Variants in LRRC4C observed in about 807,000 individuals in gnomAD.
LRRC4C encodes leucine-rich repeat-containing protein 4C.
Under a neutral mutation model 33.6 loss-of-function variants are expected in LRRC4C, and 5 were observed. The observed-to-expected ratio is 0.15, with a 90% confidence interval of 0.08 to 0.31. The LOEUF is 0.31. LRRC4C is among the 10% of genes least tolerant of loss of function. The pLI, the probability that LRRC4C is intolerant of heterozygous loss-of-function variation, is 1.00. For missense variants in LRRC4C, 560 were observed against 796.7 expected, an observed-to-expected ratio of 0.70 and a Z score of 3.58; for synonymous variants, 329 against 302.0, an observed-to-expected ratio of 1.09 and a Z score of -0.93.
chr11:40,650,298 G>T (rs1407917462), intron 2 of LRRC4C, among the ~76,000 whole-genome samples: 1 of 152,030 alleles, frequency 6.6e-6, no homozygotes, highest in Non-Finnish European at 1.5e-5. Flanking sequence ...TAAAAAACAG[G>T]AAAATTTCCA....
At chr11:40,390,221 A>G (rs530230545) in intron 3 of LRRC4C, among the ~76,000 whole-genome samples, 1 of 152,204 alleles carries the variant, frequency 6.6e-6, no homozygotes, top group African/African-American at 2.4e-5. Flanking sequence ...TAATTTAGAC[A>G]TCACACTTCT....
intron 3 of LRRC4C, among the ~76,000 whole-genome samples, chr11:40,529,908 A>G (rs61291725): frequency 0.087 from 13,292 of 152,070 alleles, 1,632 homozygotes; most frequent in African/African-American, 0.28. Context: ...AACACAGCAC[A>G]TGTAAACCTA....
chr11:40,174,800 T>C (rs1484767251), intron 5 of LRRC4C, among the ~76,000 whole-genome samples: 1 of 152,218 alleles, frequency 6.6e-6, no homozygotes, highest in Non-Finnish European at 1.5e-5. Flanking sequence ...ATTTTCCTAC[T>C]AATTATTTCA....
intron 3 of LRRC4C, among the ~76,000 whole-genome samples, chr11:40,489,284 T>G (rs915888534): frequency 1.3e-5 from 2 of 152,080 alleles, no homozygotes; most frequent in African/African-American, 4.8e-5. Context: ...TTTATGTAAG[T>G]CACTCTCTGC....
intron 6 of LRRC4C, among the ~76,000 whole-genome samples, chr11:40,130,355 T>A (rs1009116449): frequency 6.6e-6 from 1 of 151,820 alleles, no homozygotes; most frequent in African/African-American, 2.4e-5. Flanking sequence ...TTTCTTCCTG[T>A]TTTTTTTCTT....
At chr11:41,363,391 T>C (rs902704305) in intron 1 of LRRC4C, among the ~76,000 whole-genome samples, 6 of 152,212 alleles carry the variant, frequency 3.9e-5, no homozygotes, top group Admixed American at 2.0e-4. Context: ...CACTGTAAGA[T>C]GTCTTAAAGG....
chr11:41,034,691 T>A (rs1356088651), intron 1 of LRRC4C, among the ~76,000 whole-genome samples: 2 of 146,396 alleles, frequency 1.4e-5, no homozygotes, highest in African/African-American at 5.0e-5. Context: ...ATCAATGGAT[T>A]GTTTGGTCTC....
At chr11:40,777,090 T>C (rs1054395611) in intron 2 of LRRC4C, among the ~76,000 whole-genome samples, 2 of 152,200 alleles carry the variant, frequency 1.3e-5, no homozygotes, top group African/African-American at 2.4e-5. Flanking sequence ...TCTGAGAGTA[T>C]GGTTGGGATG....
chr11:40,676,735 C>A (rs1944423567), intron 2 of LRRC4C, among the ~76,000 whole-genome samples: 1 of 152,092 alleles, frequency 6.6e-6, no homozygotes, highest in Non-Finnish European at 1.5e-5. Context: ...TAGACAAGAA[C>A]TTTGGATATG....
At chr11:40,888,703 A>C (rs995160588) in intron 2 of LRRC4C, among the ~76,000 whole-genome samples, 1 of 152,022 alleles carries the variant, frequency 6.6e-6, no homozygotes, top group Admixed American at 6.6e-5. Context: ...TGATTAACCA[A>C]ATTTCAAACT....
At chr11:40,275,611 G>A (rs1057157258) in intron 4 of LRRC4C, among the ~76,000 whole-genome samples, 1 of 152,040 alleles carries the variant, frequency 6.6e-6, no homozygotes, top group African/African-American at 2.4e-5. Flanking sequence ...AGACATCATA[G>A]GAAACTCAGC....
At chr11:40,791,258 TA>T (rs1950611800) in intron 2 of LRRC4C, among the ~76,000 whole-genome samples, 1 of 152,178 alleles carries the variant, frequency 6.6e-6, no homozygotes, top group Admixed American at 6.5e-5. Context: ...GTGTTGCAAA[TA>T]AACTCTATTG....
intron 3 of LRRC4C, among the ~76,000 whole-genome samples, chr11:40,380,756 C>A (rs1033761116): frequency 6.6e-6 from 1 of 152,066 alleles, no homozygotes; most frequent in African/African-American, 2.4e-5. Context: ...ATGTAAAATT[C>A]TTGAAATCAT....
chr11:40,435,210 A>G (rs1028652432), intron 3 of LRRC4C, among the ~76,000 whole-genome samples: 3 of 152,196 alleles, frequency 2.0e-5, no homozygotes, highest in African/African-American at 4.8e-5. Context: ...CAGGCAGCCA[A>G]CCAGCAGCAT....
At chr11:40,439,658 T>C (rs1353023957) in intron 3 of LRRC4C, among the ~76,000 whole-genome samples, 2 of 152,000 alleles carry the variant, frequency 1.3e-5, no homozygotes, top group Non-Finnish European at 2.9e-5. Flanking sequence ...TTCACCACCT[T>C]GGCCAGGCTG....
In LRRC4C at chr11:40,684,559, TAAAC is replaced by T. The variant is rs1051519127; in HGVS notation, c.-406-36285_-406-36282del. ...ATATGCAAAAATCTTGGCAGAGTAA[TAAAC>T]AAAGAGTTGAAGGATTTTTTTTAGA... On this transcript the variant is annotated intron_variant, in intron 2 of 6. Coordinates refer to ENST00000528697, the MANE Select transcript of LRRC4C (RefSeq NM_001258419.2). 2.6e-5 allele frequency among the ~76,000 whole-genome samples: 4 copies of T among 152,076 alleles called. No homozygotes were observed. The East Asian group carries it at 7.7e-4, about 29-fold the overall frequency.
At chr11:40,463,519 A>C (rs551382378) in intron 3 of LRRC4C, among the ~76,000 whole-genome samples, 1 of 152,246 alleles carries the variant, frequency 6.6e-6, no homozygotes, top group Non-Finnish European at 1.5e-5. Flanking sequence ...ATCTTTGAGT[A>C]ATATTTTCAA....
At chr11:40,327,110 T>C (rs138423160) in intron 3 of LRRC4C, among the ~76,000 whole-genome samples, 11 of 152,302 alleles carry the variant, frequency 7.2e-5, no homozygotes, top group African/African-American at 7.2e-5. Flanking sequence ...TTAGTTGAGG[T>C]GGTCTACGTT....
intron 1 of LRRC4C, among the ~76,000 whole-genome samples, chr11:41,325,052 C>G (rs1029417321): frequency 6.6e-6 from 1 of 152,116 alleles, no homozygotes; most frequent in Non-Finnish European, 1.5e-5. Flanking sequence ...TGTTATATAA[C>G]TGAAGCAAGG....
Sources: allele counts gnomAD v4.1 joint callset (sites outside exome capture counted in the v4.1 genomes callset), GRCh38; gene constraint gnomAD v4.1.1; transcripts MANE v1.5; gene names NCBI Gene and HGNC (gene_info 2026-07-23, HGNC 2026-07-21).